Variants in MYOF observed in about 807,000 individuals in gnomAD.
MYOF encodes myoferlin, also known as fer-1-like 3, myoferlin.
MYOF carries 244 observed loss-of-function variants against 284.2 expected under a neutral mutation model. The observed-to-expected ratio is 0.86, with a 90% CI of 0.77 to 0.95. The LOEUF (loss-of-function observed/expected upper bound fraction) is 0.95, where lower values mean the gene tolerates loss of function less well. Ranked by LOEUF, MYOF falls within the 40% of genes least tolerant of loss-of-function variation. MYOF has a pLI of 0.00. For synonymous variants in MYOF, 904 were observed against 919.7 expected (o/e 0.98, Z 0.31); for missense variants, 2,496 against 2,560.6 (o/e 0.97, Z 0.54).
In MYOF at chr10:93,343,874, T is replaced by G. The variant is rs769443805; in HGVS notation, c.4308A>C (p.Lys1436Asn). The G allele has an allele frequency of 1.9e-6, 3 of 1,614,020 alleles. No individual in the cohort carries two copies. Among genetic ancestry groups the G allele is most frequent in the African/African-American group, 1.3e-5 (1 of 74,924 alleles). ...RDIVIEMEDT[K>N]PLLASKLTEK... is the part of the protein sequence containing the mutation. ...AGCCTACCTTAGAAGCCAGTAATGG[T>G]TTGGTGTCTTCCATTTCGATAACGA... Residue 1436 changes from lysine to asparagine, a missense_variant, in exon 38 of 54, where the codon AAA becomes AAC. Physicochemically the swap from Lys to Asn is moderately conservative, Grantham distance 94. Transcript: ENST00000359263.
chr10:93,317,866 G>A (rs190620944), intron 49 of MYOF, among the ~76,000 whole-genome samples: 91 of 152,290 alleles, frequency 6.0e-4, no homozygotes, highest in African/African-American at 2.1e-3. Context: ...TCATGAATTT[G>A]AAGGAAGATT....
At position 93,337,816 on chromosome 10, in the gene MYOF, T is replaced by C; in HGVS notation, c.4436A>G (p.Lys1479Arg). 2 of 1,613,296 alleles carry C rather than the reference T, an allele frequency of 1.2e-6. No individual in the cohort carries two copies. The highest frequency in any genetic ancestry group is 1.1e-5 in the South Asian group (1 of 91,032). The change falls in exon 40 of 54, where the codon AAG (lysine) becomes AGG (arginine). Residue 1479 changes from lysine to arginine, a missense_variant and splice_region_variant. Around this residue, in one of 3 missense-constraint regions of MYOF, gnomAD observed 2,436 missense variants for 2,480.7 expected, o/e 0.98. Transcript: ENST00000359263. ...CCATAGCAGCATAGATCCAGGTACC[T>C]TGAGCTTGGAATAGCCTTTCTGAAT... ...QYIQKGYSKL[K>R]IYNCELENVA...
chr10:93,393,582 C>T (rs1365103772), intron 16 of MYOF, among the ~76,000 whole-genome samples: 4 of 152,200 alleles, frequency 2.6e-5, no homozygotes, highest in Non-Finnish European at 5.9e-5. Flanking sequence ...GCTTATGCCA[C>T]TATTTCTGAA....
chr10:93,363,224 AG>A (rs1281104865), intron 27 of MYOF, among the ~76,000 whole-genome samples: 1 of 152,270 alleles, frequency 6.6e-6, no homozygotes, highest in Non-Finnish European at 1.5e-5. Flanking sequence ...GCAGGGAAAA[AG>A]GAAGTTATAT....
At position 93,344,697 on chromosome 10, in the gene MYOF, G is replaced by A. The variant is rs183442537; in HGVS notation, c.4250-765C>T. On this transcript the variant is annotated intron_variant, in intron 37 of 53. Transcript: ENST00000359263. ...GTATACCTATGTAACAAACCTGCAC[G>A]TTCTGCACATGTATCCCAGAACTTA... 6.2e-3 allele frequency among the ~76,000 whole-genome samples: 773 copies of A among 124,710 alleles called. 2 individuals carry two copies. Among genetic ancestry groups the A allele is most frequent in the African/African-American group, 0.016 (501 of 32,260 alleles). The allele number at this position is 124,710 out of a possible 152,430, so 81.8% of individuals were successfully genotyped here. A position where few individuals can be genotyped will look rare whatever the true frequency, so the allele number is the denominator to read the frequency against.
In MYOF at chr10:93,426,165, A is replaced by G; in HGVS notation, c.346-7T>C. On this transcript the variant is annotated splice_region_variant and splice_polypyrimidine_tract_variant and intron_variant, in intron 4 of 53. Coordinates refer to ENST00000359263, the MANE Select transcript of MYOF (RefSeq NM_013451.4). ...TCACCAAGTCAATGGTGGCCTGGGT[A>G]GAAATAATTCGTTGCAAATATTATC... 1 of 1,554,154 alleles carries G rather than the reference A, an allele frequency of 6.4e-7. No homozygotes were observed. Among genetic ancestry groups the G allele is most frequent in the Non-Finnish European group, 8.7e-7 (1 of 1,148,162 alleles).
At chr10:93,310,885 C>T (rs1415228065) in intron 51 of MYOF, among the ~76,000 whole-genome samples, 1 of 152,042 alleles carries the variant, frequency 6.6e-6, no homozygotes, top group Non-Finnish European at 1.5e-5. Context: ...TTTTCTGTAT[C>T]CCCCTCACTC....
chr10:93,447,249 T>C (rs1248414303), intron 3 of MYOF, among the ~76,000 whole-genome samples: 1 of 152,204 alleles, frequency 6.6e-6, no homozygotes, highest in Non-Finnish European at 1.5e-5. Context: ...TTGTCTCTCT[T>C]AGCTGAAAGA....
intron 16 of MYOF, among the ~76,000 whole-genome samples, chr10:93,394,448 CTTTTTTTTTTTTTT>C (rs33970988): frequency 1.4e-4 from 4 of 28,698 alleles, no homozygotes; most frequent in Middle Eastern, 0.056. Flanking sequence ...ACCATCTTGT[CTTTTTTTTTTTTTT>C]TTTTTTTTTT....
intron 3 of MYOF, among the ~76,000 whole-genome samples, chr10:93,432,028 G>A (rs776327377): frequency 9.9e-5 from 15 of 152,048 alleles, no homozygotes; most frequent in African/African-American, 1.4e-4. Flanking sequence ...GATTACAGGC[G>A]TGAGTCACCA....
chr10:93,478,701 G>A (rs956316817), intron 1 of MYOF, among the ~76,000 whole-genome samples: 4 of 151,516 alleles, frequency 2.6e-5, no homozygotes, highest in Non-Finnish European at 2.9e-5. Context: ...GCATGGTGGT[G>A]TGTGCCTATA....
At chr10:93,425,003 A>G (rs1372208375) in intron 5 of MYOF, among the ~76,000 whole-genome samples, 2 of 139,066 alleles carry the variant, frequency 1.4e-5, no homozygotes, top group African/African-American at 2.7e-5. Flanking sequence ...CAGTGGCACA[A>G]TCTCGGCTCA....
intron 4 of MYOF, 35 bp downstream of exon 4, chr10:93,431,373 C>T: frequency 1.3e-6 from 2 of 1,589,764 alleles, no homozygotes; most frequent in Non-Finnish European, 1.7e-6. Flanking sequence ...AATCATCTCA[C>T]TTCAAAGCCA....
chr10:93,409,972 G>A (rs940492666), intron 5 of MYOF, among the ~76,000 whole-genome samples: 3 of 152,208 alleles, frequency 2.0e-5, no homozygotes, highest in African/African-American at 7.2e-5. Context: ...TGCCTTCGAA[G>A]AGACCAAGAG....
chr10:93,307,405 A>C (rs977293238), intron 53 of MYOF, among the ~76,000 whole-genome samples: 1 of 150,354 alleles, frequency 6.7e-6, no homozygotes, highest in African/African-American at 2.5e-5. Flanking sequence ...ACGCCATGCC[A>C]TTCTCCTGCC....
Position 93,351,253 on chromosome 10 carries a change from T to A in MYOF, c.3865A>T (p.Asn1289Tyr). 6.2e-7 allele frequency: 1 copy of A among 1,613,952 alleles called. No homozygotes were observed. The highest frequency in any genetic ancestry group is 8.5e-7 in the Non-Finnish European group (1 of 1,180,004). Residue 1289 changes from asparagine (N) to tyrosine (Y), a missense_variant, in exon 35 of 54, where the codon AAT becomes TAT. Coordinates refer to ENST00000359263, the MANE Select transcript of MYOF (RefSeq NM_013451.4). ...ATCCCCTGGGGGACCATGTATAGAT[T>A]TGGCGCCCTTTGAGGGGGAAGAATG... ...LPILPPQRAP[N>Y]LYMVPQGIRP...
chr10:93,372,037 A>T (rs1185112825), intron 24 of MYOF, among the ~76,000 whole-genome samples: 3 of 152,214 alleles, frequency 2.0e-5, no homozygotes, highest in African/African-American at 7.2e-5. Context: ...GAAAGAAGAT[A>T]ATCACTCTGA....
intron 5 of MYOF, among the ~76,000 whole-genome samples, chr10:93,419,813 A>C (rs1205906436): frequency 6.6e-6 from 1 of 152,188 alleles, no homozygotes; most frequent in Non-Finnish European, 1.5e-5. Flanking sequence ...GCAGGTGTCA[A>C]TAAATATTTT....
chr10:93,319,357 C>T (rs1842755314), intron 49 of MYOF, among the ~76,000 whole-genome samples: 2 of 152,160 alleles, frequency 1.3e-5, no homozygotes, highest in South Asian at 2.1e-4. Flanking sequence ...ACCAATACAT[C>T]GTTTTTCTGG....
Sources: gnomAD v4.1 joint callset for allele counts (sites outside exome capture counted in the v4.1 genomes callset) on GRCh38, gnomAD v4.1.1 for gene constraint, gnomAD v4.1.1 regional missense constraint, MANE v1.5 for transcripts, NCBI Gene and HGNC (gene_info 2026-07-23, HGNC 2026-07-21) for gene names.